The following TTC6 variants were observed in gnomAD, a reference collection of about 807,000 sequenced individuals.
TTC6 encodes tetratricopeptide repeat domain 6, also known as tetratricopeptide repeat protein 6.
Under a neutral mutation model 210.4 loss-of-function variants are expected in TTC6, and 172 were observed. That is an observed-to-expected ratio of 0.82 (90% CI 0.72 to 0.93). TTC6 has a LOEUF of 0.93. Ranked by LOEUF, TTC6 falls within the 40% of genes least tolerant of loss-of-function variation. TTC6 has a pLI of 0.00. For synonymous variants in TTC6, 804 were observed against 819.6 expected (o/e 0.98, Z 0.32); for missense variants, 2,414 against 2,318.1 (o/e 1.04, Z -0.85).
At chr14:37,652,968 G>A (rs536514184) in intron 1 of TTC6, among the ~76,000 whole-genome samples, 5 of 152,204 alleles carry the variant, frequency 3.3e-5, no homozygotes, top group Admixed American at 1.3e-4. Flanking sequence ...TTTTTTTCAC[G>A]AAATAACTTA....
intron 1 of TTC6, among the ~76,000 whole-genome samples, chr14:37,650,467 G>C (rs907535869): frequency 6.6e-6 from 1 of 152,038 alleles, no homozygotes; most frequent in African/African-American, 2.4e-5. Context: ...TCTGCCCTAG[G>C]CTTAGAAACT....
At chr14:37,783,022 C>A (rs1357339070) in intron 14 of TTC6, among the ~76,000 whole-genome samples, 1 of 152,114 alleles carries the variant, frequency 6.6e-6, no homozygotes, top group African/African-American at 2.4e-5. Context: ...CTGCTGGATT[C>A]GGTTTGCCAG....
chr14:37,792,510 A>G, intron 17 of TTC6, 96 bp downstream of exon 19: 1 of 994,990 alleles, frequency 1.0e-6, no homozygotes, highest in Non-Finnish European at 1.4e-6. Flanking sequence ...TATTTTAGCT[A>G]ATTGTAGGGG....
chr14:37,700,469 G>T (rs763044550), intron 4 of TTC6, among the ~76,000 whole-genome samples: 3 of 152,042 alleles, frequency 2.0e-5, no homozygotes, highest in Admixed American at 6.6e-5. Flanking sequence ...TTGGCTAGGC[G>T]CAGTGGCTCA....
chr14:37,754,488 G>A (rs938753061), intron 14 of TTC6, among the ~76,000 whole-genome samples: 4 of 151,210 alleles, frequency 2.6e-5, no homozygotes, highest in South Asian at 4.2e-4. Flanking sequence ...ACTGGAGTGC[G>A]ATGGCAAAGT....
chr14:37,791,952 A>G (rs1330731581), intron 16 of TTC6, among the ~76,000 whole-genome samples: 1 of 152,164 alleles, frequency 6.6e-6, no homozygotes, highest in Non-Finnish European at 1.5e-5. Flanking sequence ...GTTGAGAAAA[A>G]CTAAGCTTGT....
At chr14:37,722,524 T>G (rs1395232989) in intron 6 of TTC6, among the ~76,000 whole-genome samples, 1 of 152,112 alleles carries the variant, frequency 6.6e-6, no homozygotes, top group Non-Finnish European at 1.5e-5. Context: ...ATTTTTAAAT[T>G]TTTTTGTAGG....
chr14:37,753,102 A>C, exon 14 of TTC6: 1 of 1,532,464 alleles, frequency 6.5e-7, no homozygotes, highest in Non-Finnish European at 8.7e-7. Context: ...CCTATAGTGT[A>C]TTTTTTATGA....
intron 1 of TTC6, among the ~76,000 whole-genome samples, chr14:37,655,277 C>G (rs2095719957): frequency 6.6e-6 from 1 of 152,092 alleles, no homozygotes; most frequent in Non-Finnish European, 1.5e-5. Flanking sequence ...AGAAGCTGAT[C>G]TAGAAGAGCA....
intron 14 of TTC6, among the ~76,000 whole-genome samples, chr14:37,761,783 C>T (rs2095985295): frequency 6.6e-6 from 1 of 152,144 alleles, no homozygotes; most frequent in South Asian, 2.1e-4. Flanking sequence ...GCTTCTTTCT[C>T]TGAGTATTAT....
intron 7 of TTC6, among the ~76,000 whole-genome samples, chr14:37,727,331 A>G (rs1288093866): frequency 2.7e-5 from 3 of 109,942 alleles, no homozygotes; most frequent in African/African-American, 1.0e-4. Flanking sequence ...GTCTTACTTT[A>G]TCACCAGGCT....
chr14:37,720,239 A>G (rs1338440109), intron 6 of TTC6, among the ~76,000 whole-genome samples: 1 of 152,142 alleles, frequency 6.6e-6, no homozygotes, highest in Non-Finnish European at 1.5e-5. Context: ...TGTTTTTGGG[A>G]AGGTAAAATG....
chr14:37,603,898 C>G (rs2095620378), intron 1 of TTC6, among the ~76,000 whole-genome samples: 1 of 152,212 alleles, frequency 6.6e-6, no homozygotes, highest in Non-Finnish European at 1.5e-5. Context: ...GACTAGCTCT[C>G]CCTGAGCCTC....
intron 5 of TTC6, among the ~76,000 whole-genome samples, chr14:37,704,256 T>G (rs2095831122): frequency 6.6e-6 from 1 of 152,130 alleles, no homozygotes; most frequent in South Asian, 2.1e-4. Flanking sequence ...AGTCTCACTA[T>G]GTTGACCAGG....
intron 14 of TTC6, among the ~76,000 whole-genome samples, chr14:37,775,354 G>A (rs1287664364): frequency 6.6e-6 from 1 of 152,176 alleles, no homozygotes; most frequent in Non-Finnish European, 1.5e-5. Context: ...AGTTTCTAAT[G>A]TGGGCATTTA....
rs528964175 is a variant in TTC6 at position 37,807,548 on chromosome 14, A to G, written c.4455+88A>G. 3.4e-6 allele frequency: 4 copies of G among 1,191,180 alleles called. No individual in the cohort carries two copies. In the African/African-American group the frequency reaches 4.5e-5, roughly 13 times the overall value. The allele number at this position is 1,191,180 out of a possible 1,614,324, so 73.8% of individuals were successfully genotyped here. A position where few individuals can be genotyped will look rare whatever the true frequency, so the allele number is the denominator to read the frequency against. Reference sequence around the variant, plus strand: ...CAGGGGACTCACTTACTTTTTTTCTATGTGGTTGGGAATCACTATGATATG... The same window carrying G: ...CAGGGGACTCACTTACTTTTTTTCTGTGTGGTTGGGAATCACTATGATATG... On this transcript the variant is annotated intron_variant, in intron 23 of 30. Transcript: ENST00000553443.
At chr14:37,796,933 G>A (rs763489614) in exon 20 of TTC6, 1 of 1,599,350 alleles carries the variant, frequency 6.3e-7, no homozygotes, top group Non-Finnish European at 8.5e-7. Context: ...TCAAATGAAG[G>A]CCAAGAGAAC....
chr14:37,753,109 A>G, exon 14 of TTC6: 1 of 1,533,428 alleles, frequency 6.5e-7, no homozygotes, highest in South Asian at 1.2e-5. Context: ...TGTATTTTTT[A>G]TGATCCCAAA....
intron 4 of TTC6, among the ~76,000 whole-genome samples, chr14:37,699,495 A>C (rs2095820810): frequency 6.6e-6 from 1 of 152,220 alleles, no homozygotes; most frequent in South Asian, 2.1e-4. Context: ...GAGCCTTGAA[A>C]CATAGAGAAA....
Sources: gnomAD v4.1 joint callset for allele counts (sites outside exome capture counted in the v4.1 genomes callset) on GRCh38, gnomAD v4.1.1 for gene constraint, MANE v1.5 for transcripts, NCBI Gene and HGNC (gene_info 2026-07-23, HGNC 2026-07-21) for gene names.